The following RMDN2 variants were observed in gnomAD, a reference collection of about 807,000 sequenced individuals.
The protein encoded by RMDN2 is regulator of microtubule dynamics protein 2.
RMDN2 carries 61 observed loss-of-function variants against 52.8 expected under a neutral mutation model. The observed-to-expected ratio is 1.16, with a 90% CI of 0.94 to 1.43. The LOEUF is 1.43. Among genes scored for constraint, RMDN2 ranks in the 40% most tolerant of loss-of-function variants. RMDN2 has a pLI of 0.00. For synonymous variants in RMDN2, 180 were observed against 153.1 expected, an observed-to-expected ratio of 1.18 and a Z score of -1.30; for missense variants, 592 against 475.3, an observed-to-expected ratio of 1.25 and a Z score of -2.28.
At chr2:37,983,061 T>G (rs1390612963) in intron 5 of RMDN2, among the ~76,000 whole-genome samples, 1 of 152,082 alleles carries the variant, frequency 6.6e-6, no homozygotes, top group Non-Finnish European at 1.5e-5. Context: ...CTCTGACTCC[T>G]CTGTTCCCTC....
rs150448875 is a variant in RMDN2, at chr2:37,961,392, C to T, written c.453-12648C>T. ...CTTGGAAGCTTTGTTTGTTCCTTTGCATTCTTTTTTCTCTAATCTTGTCTT... is the reference window on the plus strand; with the variant it reads ...CTTGGAAGCTTTGTTTGTTCCTTTGTATTCTTTTTTCTCTAATCTTGTCTT... On this transcript the variant is annotated intron_variant, in intron 2 of 10. Coordinates refer to ENST00000354545, the MANE Select transcript of RMDN2 (RefSeq NM_001170791.3). Among the ~76,000 whole-genome samples the T allele has an allele frequency of 9.1e-4, 138 of 152,038 alleles. 2 individuals are homozygous for T. In the East Asian group the frequency reaches 0.022, roughly 25 times the overall value.
At chr2:37,962,424 A>G (rs760592989) in intron 2 of RMDN2, among the ~76,000 whole-genome samples, 86 of 152,306 alleles carry the variant, frequency 5.6e-4, no homozygotes, top group Non-Finnish European at 8.4e-4. Context: ...CAGTCTGGCT[A>G]CATTGGCTTT....
At chr2:37,932,925 A>C (rs1572685104) in intron 2 of RMDN2, among the ~76,000 whole-genome samples, 1 of 136,708 alleles carries the variant, frequency 7.3e-6, no homozygotes, top group African/African-American at 2.8e-5. Context: ...TGACCCCCCC[A>C]CCTCCCTCCC....
intron 10 of RMDN2, among the ~76,000 whole-genome samples, chr2:38,005,731 C>T (rs1374670622): frequency 1.3e-5 from 2 of 152,140 alleles, no homozygotes; most frequent in Non-Finnish European, 2.9e-5. Context: ...TGAATTTTGG[C>T]TTTTGTTGCC....
At position 38,015,794 on chromosome 2, in the gene RMDN2, C is replaced by G. The variant is rs149298017; in HGVS notation, c.1180-1392C>G. Among the ~76,000 whole-genome samples, 250 of 152,292 alleles carry G rather than the reference C, an allele frequency of 1.6e-3. 4 individuals are homozygous for G. Among genetic ancestry groups the G allele is most frequent in the African/African-American group, 5.7e-3 (238 of 41,566 alleles). On this transcript the variant is annotated intron_variant, in intron 10 of 10. Coordinates refer to ENST00000354545, the MANE Select transcript of RMDN2 (RefSeq NM_001170791.3). ...GGAGCGATCTAACAACATGTCAATA[C>G]TGAGATTCGTAAGGGTGAACTCTGT...
upstream of RMDN2, among the ~76,000 whole-genome samples, chr2:37,925,040 G>C (rs116201305): frequency 6.6e-6 from 1 of 152,330 alleles, no homozygotes; most frequent in South Asian, 2.1e-4. Context: ...AACGCGAGAG[G>C]GAACGCGCTG....
chr2:38,051,268 GA>G (rs3057334), intron 10 of RMDN2, among the ~76,000 whole-genome samples: 1 of 152,150 alleles, frequency 6.6e-6, no homozygotes, highest in East Asian at 1.9e-4. Context: ...GTGTTTAAGA[GA>G]GGTAGTACAT....
chr2:38,058,899 G>A (rs756177216), intron 10 of RMDN2, among the ~76,000 whole-genome samples: 3 of 152,156 alleles, frequency 2.0e-5, no homozygotes, highest in African/African-American at 7.2e-5. Flanking sequence ...TCTTGTGTAT[G>A]TATCTTTATA....
At chr2:38,003,897 A>C (rs1676694783) in intron 8 of RMDN2, 94 bp from the exon 9 acceptor site, 1 of 995,416 alleles carries the variant, frequency 1.0e-6, no homozygotes, top group Non-Finnish European at 1.6e-6. Flanking sequence ...TTTGGTTCAT[A>C]ATATTTGATT....
intron 2 of RMDN2, among the ~76,000 whole-genome samples, chr2:37,972,841 A>C (rs895308282): frequency 6.6e-6 from 1 of 152,208 alleles, no homozygotes; most frequent in Admixed American, 6.5e-5. Flanking sequence ...GATGATTCCA[A>C]GTTTTTTGGT....
chr2:37,973,103 A>G (rs962737844), intron 2 of RMDN2, among the ~76,000 whole-genome samples: 4 of 147,298 alleles, frequency 2.7e-5, no homozygotes, highest in African/African-American at 5.1e-5. Context: ...TGTGTTTTTT[A>G]TATTGACTTC....
downstream of RMDN2, among the ~76,000 whole-genome samples, chr2:38,022,480 C>G (rs75548231): frequency 7.5e-4 from 115 of 152,322 alleles, 2 homozygotes; most frequent in East Asian, 0.019. Context: ...CACTCACAGA[C>G]GAAGTACCCA....
intron 2 of RMDN2, chr2:37,951,625 A>G (rs1168679982): frequency 2.5e-6 from 4 of 1,613,428 alleles, no homozygotes; most frequent in Admixed American, 3.3e-5. Context: ...ATAGTTTCCT[A>G]TTACAAGAGT....
chr2:37,978,876 G>A (rs1389412681), intron 4 of RMDN2, among the ~76,000 whole-genome samples: 1 of 152,194 alleles, frequency 6.6e-6, no homozygotes, highest in African/African-American at 2.4e-5. Flanking sequence ...GAGGATGGAG[G>A]TTGATGCAGG....
intron 10 of RMDN2, among the ~76,000 whole-genome samples, chr2:38,059,089 A>C (rs992458469): frequency 7.2e-5 from 11 of 152,240 alleles, no homozygotes; most frequent in African/African-American, 2.7e-4. Flanking sequence ...TGTCCAATAG[A>C]ACTTTCCGCT....
At chr2:37,933,154 T>C (rs1666974335) in intron 2 of RMDN2, among the ~76,000 whole-genome samples, 1 of 150,464 alleles carries the variant, frequency 6.6e-6, no homozygotes, top group Non-Finnish European at 1.5e-5. Flanking sequence ...GCAGAGGTGC[T>C]CCTCACATCT....
chr2:37,945,486 A>G (rs190752829), intron 2 of RMDN2, among the ~76,000 whole-genome samples: 1 of 152,304 alleles, frequency 6.6e-6, no homozygotes, highest in East Asian at 1.9e-4. Flanking sequence ...CTACCAGCAC[A>G]TCTACAAATG....
chr2:38,018,800 C>T (rs1679110719), downstream of RMDN2, among the ~76,000 whole-genome samples: 1 of 152,174 alleles, frequency 6.6e-6, no homozygotes, highest in African/African-American at 2.4e-5. Context: ...TTCCCTGCTA[C>T]CTCTTAATCA....
intron 10 of RMDN2, among the ~76,000 whole-genome samples, chr2:38,009,079 T>C (rs1677549495): frequency 1.3e-5 from 2 of 152,234 alleles, no homozygotes; most frequent in Admixed American, 1.3e-4. Flanking sequence ...GATCAGCTGT[T>C]AGTCTGATGG....
Sources: gnomAD v4.1 joint callset for allele counts (sites outside exome capture counted in the v4.1 genomes callset) on GRCh38, gnomAD v4.1.1 for gene constraint, MANE v1.5 for transcripts, NCBI Gene and HGNC (gene_info 2026-07-23, HGNC 2026-07-21) for gene names.